ABHD2: variants seen among roughly 807,000 people sequenced by gnomAD.
The protein encoded by ABHD2 is abhydrolase domain containing 2, acylglycerol lipase, also known as monoacylglycerol lipase ABHD2.
Under a neutral mutation model 48.1 loss-of-function variants are expected in ABHD2, and 20 were observed. That is an observed-to-expected ratio of 0.42 (90% CI 0.29 to 0.60). The LOEUF is 0.60. Ranked by LOEUF, ABHD2 falls within the 20% of genes least tolerant of loss-of-function variation. ABHD2 has a pLI of 0.24. For missense variants in ABHD2, 405 were observed against 550.9 expected, an observed-to-expected ratio of 0.74 and a Z score of 2.65; for synonymous variants, 209 against 214.2, an observed-to-expected ratio of 0.98 and a Z score of 0.21.
At chr15:89,133,451 G>A (rs1886111063) in intron 3 of ABHD2, among the ~76,000 whole-genome samples, 2 of 152,250 alleles carry the variant, frequency 1.3e-5, no homozygotes, top group South Asian at 4.1e-4. Flanking sequence ...AATTTTGCTA[G>A]CTGTTGTCCT....
At chr15:89,085,626 T>C (rs982864027), upstream of ABHD2, among the ~76,000 whole-genome samples, 7 of 152,214 alleles carry the variant, frequency 4.6e-5, no homozygotes, top group Admixed American at 6.5e-5. The surrounding 1 kb of genome is among the most constrained non-coding windows in gnomAD (Gnocchi z 4.2). Context: ...GTGACATAAT[T>C]GTGTTTTAGA....
intron 5 of ABHD2, among the ~76,000 whole-genome samples, chr15:89,160,094 G>A (rs1408874484): frequency 6.6e-6 from 1 of 152,202 alleles, no homozygotes; most frequent in Non-Finnish European, 1.5e-5. Context: ...CTAGTGTTTC[G>A]TTAGGTGCTA....
intron 3 of ABHD2, among the ~76,000 whole-genome samples, chr15:89,128,706 T>A (rs956496704): frequency 1.3e-5 from 2 of 152,192 alleles, no homozygotes; most frequent in Admixed American, 6.5e-5. Flanking sequence ...AGTTGCTTCG[T>A]GGCCAGCTCC....
the ABHD2 span, among the ~76,000 whole-genome samples, chr15:89,055,203 C>CT: frequency 1.5e-3 from 233 of 151,580 alleles, 1 homozygote; most frequent in Non-Finnish European, 2.8e-3. Context: ...GTCCAAAAAA[C>CT]TTTTTTTTTA....
At chr15:89,158,906 C>T (rs1020911681) in intron 5 of ABHD2, among the ~76,000 whole-genome samples, 1 of 151,742 alleles carries the variant, frequency 6.6e-6, no homozygotes, top group Non-Finnish European at 1.5e-5. Flanking sequence ...TCAAGTGATC[C>T]ACCCACTTCG....
intron 1 of ABHD2, among the ~76,000 whole-genome samples, chr15:89,101,217 G>C (rs1199776576): frequency 6.6e-6 from 1 of 152,186 alleles, no homozygotes; most frequent in African/African-American, 2.4e-5. Flanking sequence ...TTTGAGCCCA[G>C]TGAGATGTTC....
rs1370518020 is a variant in ABHD2, at chr15:89,188,193, G to C, written c.816G>C (p.Arg272Ser). 6.2e-7 allele frequency: 1 copy of C among 1,613,832 alleles called. No individual in the cohort carries two copies. The highest frequency in any genetic ancestry group is 1.3e-5 in the African/African-American group (1 of 74,920). ...DNMKKIILSH[R>S]QALFGDHVKK... ...CTGTTTGCTTTTGTGTTTGCTCTAG[G>C]CAAGCTCTTTTTGGAGACCATGTTA... is the stretch of plus-strand genomic sequence containing the variant. Residue 272 changes from arginine (R) to serine (S), a missense_variant and splice_region_variant, in exon 8 of 11, where the codon AGG becomes AGC. Physicochemically the swap from Arg to Ser is moderately radical, Grantham distance 110 (BLOSUM62 -1). Transcript: ENST00000352732. This position sits in a 1 kb window ranked among gnomAD's most constrained non-coding sequence, Gnocchi z 4.1.
At chr15:89,051,405 A>C in the ABHD2 span, among the ~76,000 whole-genome samples, 1 of 152,200 alleles carries the variant, frequency 6.6e-6, no homozygotes, top group Non-Finnish European at 1.5e-5. Context: ...ACTCTCATGC[A>C]CAGCTCTCTA....
the ABHD2 span, among the ~76,000 whole-genome samples, chr15:89,049,700 TG>T: frequency 3.3e-5 from 5 of 152,396 alleles, no homozygotes; most frequent in Admixed American, 2.6e-4. Context: ...TGGAACTCCC[TG>T]ACCCCTTGCA....
At chr15:89,158,174 C>G (rs2050705060) in intron 5 of ABHD2, among the ~76,000 whole-genome samples, 1 of 152,156 alleles carries the variant, frequency 6.6e-6, no homozygotes, top group African/African-American at 2.4e-5. Context: ...CATGTAGGCA[C>G]AATCTCTTTT....
chr15:89,155,648 G>A lies in ABHD2; in HGVS notation c.538+114G>A. The stretch of plus-strand genomic sequence containing the variant: ...AACCTATGCCCATCTGCAAGAGATG[G>A]TAGGTCACACGGTTATATCAACAGC... On this transcript the variant is annotated intron_variant, in intron 5 of 10. Coordinates refer to ENST00000352732, the MANE Select transcript of ABHD2 (RefSeq NM_152924.5). The surrounding 1 kb of genome is among the most constrained non-coding windows in gnomAD (Gnocchi z 4.9). 1 of 1,335,026 alleles carries A rather than the reference G, an allele frequency of 7.5e-7. No individual in the cohort carries two copies. Among genetic ancestry groups the A allele is most frequent in the Non-Finnish European group, 1.0e-6 (1 of 977,414 alleles). The allele number at this position is 1,335,026 out of a possible 1,614,324, so 82.7% of individuals were successfully genotyped here.
rs1286684607 is a variant in ABHD2 at position 89,168,617 on chromosome 15, A to G, written c.539-7195A>G. Among the ~76,000 whole-genome samples the G allele has an allele frequency of 1.3e-5, 2 of 152,130 alleles. No homozygotes were observed. Among genetic ancestry groups the G allele is most frequent in the African/African-American group, 4.8e-5 (2 of 41,432 alleles). ...CTTTATCCAGATCAGATGTGTTTGG[A>G]TTTAATTAAATTGAGGCTCCCAAAG... On this transcript the variant is annotated intron_variant, in intron 5 of 10. Transcript: ENST00000352732. This position sits in a 1 kb window ranked among gnomAD's most constrained non-coding sequence, Gnocchi z 4.8.
chr15:89,075,130 G>C, the ABHD2 span, among the ~76,000 whole-genome samples: 6 of 152,306 alleles, frequency 3.9e-5, no homozygotes, highest in African/African-American at 1.2e-4. This position sits in a 1 kb window ranked among gnomAD's most constrained non-coding sequence, Gnocchi z 4.1. Context: ...TGGGTACAAA[G>C]AGGAATAAGT....
At position 89,157,936 on chromosome 15, in the gene ABHD2, G is replaced by A. The variant is rs60802855; in HGVS notation, c.538+2402G>A. On this transcript the variant is annotated intron_variant, in intron 5 of 10. Transcript: ENST00000352732. Reference sequence around the variant, plus strand: ...TAGTGAGTATGTGGGAGACAGAATTGGACCCAAAAGTCAGAAATAGGCCAA... The same window carrying A: ...TAGTGAGTATGTGGGAGACAGAATTAGACCCAAAAGTCAGAAATAGGCCAA... 2.8e-3 allele frequency among the ~76,000 whole-genome samples: 419 copies of A among 152,138 alleles called. 2 individuals carry two copies. The highest frequency in any genetic ancestry group is 9.3e-3 in the African/African-American group (387 of 41,510).
Position 89,186,640 on chromosome 15 carries a change from T to C in ABHD2, c.815+1124T>C, listed in dbSNP as rs1476318446. Among the ~76,000 whole-genome samples, 1 of 152,166 alleles carries C rather than the reference T, an allele frequency of 6.6e-6. No homozygotes were observed. Among genetic ancestry groups the C allele is most frequent in the African/African-American group, 2.4e-5 (1 of 41,442 alleles). ...TCTTTTGCTTCCCCTCTGTAAATCC[T>C]ACGTCTAGAACCAAACTGGAGAGCG... On this transcript the variant is annotated intron_variant, in intron 7 of 10. Transcript: ENST00000352732. The surrounding 1 kb of genome is among the most constrained non-coding windows in gnomAD (Gnocchi z 4.3).
chr15:89,041,188 A>T, the ABHD2 span: 1 of 152,248 alleles, frequency 6.6e-6, no homozygotes, highest in Non-Finnish European at 1.5e-5. Flanking sequence ...TGAGTGTGCC[A>T]TTCTGGAACT....
chr15:89,049,123 G>A, the ABHD2 span, among the ~76,000 whole-genome samples: 63 of 152,148 alleles, frequency 4.1e-4, no homozygotes, highest in Admixed American at 3.1e-3. Context: ...CTCAGCTGCA[G>A]GTCTGTTGGA....
the ABHD2 span, chr15:89,070,073 C>T: frequency 6.6e-6 from 1 of 152,178 alleles, no homozygotes; most frequent in Non-Finnish European, 1.5e-5. Context: ...CCAGTTATTT[C>T]TCACTTATAC....
rs1008595580 is a variant in ABHD2 at position 89,167,832 on chromosome 15, G to A, written c.539-7980G>A. Among the ~76,000 whole-genome samples, 4 of 152,332 alleles carry A rather than the reference G, an allele frequency of 2.6e-5. No individual in the cohort carries two copies. The highest frequency in any genetic ancestry group is 1.9e-4 in the East Asian group (1 of 5,182). On this transcript the variant is annotated intron_variant, in intron 5 of 10. Coordinates refer to ENST00000352732, the MANE Select transcript of ABHD2 (RefSeq NM_152924.5). The surrounding 1 kb of genome is among the most constrained non-coding windows in gnomAD (Gnocchi z 5.5). Reference sequence around the variant, plus strand: ...GGCCCCTAACCGCCCACCTGTCAGCGAGCCATGTTAGCTTAACTGTATTTT... The same window carrying A: ...GGCCCCTAACCGCCCACCTGTCAGCAAGCCATGTTAGCTTAACTGTATTTT...
Sources: gnomAD v4.1 joint callset for allele counts (sites outside exome capture counted in the v4.1 genomes callset) on GRCh38, gnomAD v4.1.1 for gene constraint, Gnocchi (gnomAD v3.1) non-coding constraint, MANE v1.5 for transcripts, NCBI Gene and HGNC (gene_info 2026-07-23, HGNC 2026-07-21) for gene names.